FAM72B: variants seen among roughly 807,000 people sequenced by gnomAD.
FAM72B encodes the protein protein FAM72B.
FAM72B carries 4 observed loss-of-function variants against 12.6 expected under a neutral mutation model. The observed-to-expected ratio is 0.32, with a 90% CI of 0.16 to 0.73. FAM72B has a LOEUF of 0.73. FAM72B is among the 30% of genes least tolerant of loss of function. FAM72B has a pLI of 0.67. For missense variants in FAM72B, 61 were observed against 158.4 expected (o/e 0.39, Z 3.30); for synonymous variants, 13 against 53.9 (o/e 0.24, Z 3.32).
intron 2 of FAM72B, among the ~76,000 whole-genome samples, chr1:121,179,823 G>A (rs1487828416): frequency 2.4e-4 from 33 of 135,206 alleles, no homozygotes; most frequent in East Asian, 4.2e-4. Context: ...GCAAAACTCC[G>A]TCTTAAAAAA....
Position 121,183,530 on chromosome 1 carries a change from A to T in FAM72B, c.-41T>A. 6.3e-7 allele frequency: 1 copy of T among 1,595,300 alleles called. No individual in the cohort carries two copies. Among genetic ancestry groups the T allele is most frequent in the East Asian group, 2.2e-5 (1 of 44,778 alleles). ...ATGAGGTGTGGGATTTTGAAAAAGG[A>T]AACAAGAGTAATGCTCCTACTATTT... On this transcript the variant is annotated 5_prime_UTR_variant, in exon 1 of 4. Coordinates refer to ENST00000369390, the MANE Select transcript of FAM72B (RefSeq NM_001100910.2).
intron 2 of FAM72B, among the ~76,000 whole-genome samples, chr1:121,180,917 T>C (rs1654319730): frequency 1.3e-5 from 2 of 152,290 alleles, no homozygotes; most frequent in Admixed American, 6.5e-5. Context: ...TTCAGCAGTT[T>C]AGAGGCTAAA....
chr1:121,183,650 G>C lies in FAM72B; in HGVS notation c.-161C>G, dbSNP rs1210683646. 2 of 1,480,130 alleles carry C rather than the reference G, an allele frequency of 1.4e-6. No individual in the cohort carries two copies. The highest frequency in any genetic ancestry group is 1.8e-6 in the Non-Finnish European group (2 of 1,105,690). 91.7% of individuals were successfully genotyped at this position (1,480,130 alleles called of 1,614,324 possible). On this transcript the variant is annotated 5_prime_UTR_variant, in exon 1 of 4. Coordinates refer to ENST00000369390, the MANE Select transcript of FAM72B (RefSeq NM_001100910.2). Reference sequence around the variant, plus strand: ...ATTAGTTTTTTTTTTCTGTTTTCCCGGTGGCGGAGTAGAAGAAGTATTTAT... The same window carrying C: ...ATTAGTTTTTTTTTTCTGTTTTCCCCGTGGCGGAGTAGAAGAAGTATTTAT...
chr1:121,173,184 ATTTT>A (rs199877959), intron 3 of FAM72B, among the ~76,000 whole-genome samples: 11 of 125,506 alleles, frequency 8.8e-5, no homozygotes, highest in Admixed American at 3.9e-4. Context: ...TACTAAAATA[ATTTT>A]TTTTTTTTTT....
chr1:121,182,113 G>A (rs2101339076), intron 1 of FAM72B, among the ~76,000 whole-genome samples: 1 of 152,306 alleles, frequency 6.6e-6, no homozygotes, highest in Admixed American at 6.5e-5. Flanking sequence ...AGTGGACAAT[G>A]AATCACAGAA....
At chr1:121,169,890 T>C (rs1301158961) in intron 3 of FAM72B, among the ~76,000 whole-genome samples, 9 of 152,210 alleles carry the variant, frequency 5.9e-5, no homozygotes, top group Admixed American at 4.6e-4. Context: ...TCTGGGCATA[T>C]ATTACATTAT....
Position 121,168,595 on chromosome 1 carries a change from A to T in FAM72B, c.*146T>A. On this transcript the variant is annotated 3_prime_UTR_variant, in exon 4 of 4. Transcript: ENST00000369390. ...GGCTTCAATCAAACTGAGGTAACTA[A>T]TTAGAGACGGAAAATAAATAAATCA... The T allele has an allele frequency of 1.0e-6, 1 of 957,318 alleles. No individual in the cohort carries two copies. Among genetic ancestry groups the T allele is most frequent in the Admixed American group, 3.4e-5 (1 of 29,424 alleles). The allele number at this position is 957,318 out of a possible 1,614,324, so 59.3% of individuals were successfully genotyped here.
At chr1:121,175,209 C>A (rs1553316691) in intron 3 of FAM72B, among the ~76,000 whole-genome samples, 2 of 152,062 alleles carry the variant, frequency 1.3e-5, no homozygotes, top group Non-Finnish European at 1.5e-5. Context: ...TGGACGACAG[C>A]AAATCTGTTT....
At chr1:121,174,821 T>C (rs1208496195) in intron 3 of FAM72B, among the ~76,000 whole-genome samples, 1 of 148,068 alleles carries the variant, frequency 6.8e-6, no homozygotes, top group Non-Finnish European at 1.5e-5. Flanking sequence ...GCTAATTTTT[T>C]ATTTTTAGTA....
chr1:121,174,896 C>T (rs1187484663), intron 3 of FAM72B, among the ~76,000 whole-genome samples: 6 of 151,960 alleles, frequency 3.9e-5, no homozygotes, highest in African/African-American at 7.3e-5. Flanking sequence ...GATCCATCCA[C>T]CTCGGCCTCC....
rs1287451816 is a variant in FAM72B, at chr1:121,174,456, C to T, written c.355+2752G>A. 7.8e-3 allele frequency among the ~76,000 whole-genome samples: 1,133 copies of T among 144,544 alleles called. 12 individuals carry two copies. Among genetic ancestry groups the T allele is most frequent in the African/African-American group, 0.028 (1,078 of 38,944 alleles). The allele number at this position is 144,544 out of a possible 152,430, so 94.8% of individuals were successfully genotyped here. A position where few individuals can be genotyped will look rare whatever the true frequency, so the allele number is the denominator to read the frequency against. On this transcript the variant is annotated intron_variant, in intron 3 of 3. Transcript: ENST00000369390. ...GATCTTGGCTCACCGCAACCTCCGC[C>T]TCCCGGGTTCAAGCCATTCTCCTGC...
intron 2 of FAM72B, among the ~76,000 whole-genome samples, chr1:121,179,409 G>A (rs1654282542): frequency 1.3e-5 from 2 of 148,358 alleles, no homozygotes; most frequent in African/African-American, 2.5e-5. Context: ...CGTTGCCCAG[G>A]TGCGGTGGCT....
chr1:121,182,512 T>TTA (rs1208676346), intron 1 of FAM72B, among the ~76,000 whole-genome samples: 3 of 137,552 alleles, frequency 2.2e-5, no homozygotes, highest in Admixed American at 1.5e-4. Flanking sequence ...TACTTTCCTT[T>TTA]TAATAATAAA....
chr1:121,169,629 A>G (rs1372190535), intron 3 of FAM72B, among the ~76,000 whole-genome samples: 6 of 152,172 alleles, frequency 3.9e-5, no homozygotes, highest in African/African-American at 1.4e-4. Context: ...CATTTTTCTG[A>G]TTCAGAAAAA....
chr1:121,169,586 C>T (rs1396656805), intron 3 of FAM72B, among the ~76,000 whole-genome samples: 4 of 152,164 alleles, frequency 2.6e-5, no homozygotes, highest in Admixed American at 6.5e-5. Context: ...TAAGCCTCCT[C>T]ATCCCTTCAA....
At chr1:121,172,333 CAA>C (rs587668642) in intron 3 of FAM72B, among the ~76,000 whole-genome samples, 2 of 76,978 alleles carry the variant, frequency 2.6e-5, no homozygotes. Flanking sequence ...ACCCTGTCTC[CAA>C]AAAAAAAAAA....
intron 3 of FAM72B, among the ~76,000 whole-genome samples, chr1:121,174,649 G>A (rs1445433066): frequency 6.6e-6 from 1 of 150,882 alleles, no homozygotes; most frequent in Non-Finnish European, 1.5e-5. Context: ...TTACAGGTGT[G>A]AGCCACCGCG....
At chr1:121,168,903 A>T (rs1654030520) in intron 3 of FAM72B, 68 bp from the exon 4 acceptor site, 1 of 1,066,204 alleles carries the variant, frequency 9.4e-7, no homozygotes, top group Non-Finnish European at 1.4e-6. Context: ...CAAATTACGA[A>T]ACTTTATATG....
chr1:121,178,529 T>C (rs1350973539), intron 2 of FAM72B, among the ~76,000 whole-genome samples: 1 of 89,132 alleles, frequency 1.1e-5, no homozygotes, highest in East Asian at 4.5e-4. Context: ...ACAAAAGTTG[T>C]GTTTGGACTA....
Sources: allele counts gnomAD v4.1 joint callset (sites outside exome capture counted in the v4.1 genomes callset), GRCh38; gene constraint gnomAD v4.1.1; transcripts MANE v1.5; gene names NCBI Gene and HGNC (gene_info 2026-07-23, HGNC 2026-07-21).